The following ASB11 variants were observed in gnomAD, a reference collection of about 807,000 sequenced individuals.
ASB11 encodes ankyrin repeat and SOCS box protein 11.
ASB11 carries 17 observed loss-of-function variants against 20.1 expected under a neutral mutation model. That is an observed-to-expected ratio of 0.85 (90% CI 0.58 to 1.27). The LOEUF (loss-of-function observed/expected upper bound fraction) is 1.27, where lower values mean the gene tolerates loss of function less well. Ranked by LOEUF, ASB11 falls within the 50% of genes most tolerant of loss-of-function variation. ASB11 has a pLI of 0.00. For synonymous variants in ASB11, 107 were observed against 105.6 expected (o/e 1.01, Z -0.08); for missense variants, 259 against 256.9 (o/e 1.01, Z -0.06).
At chrX:15,308,260 C>T (rs773417355) in intron 1 of ASB11, among the ~76,000 whole-genome samples, 1 of 112,375 alleles carries the variant, frequency 8.9e-6, no homozygotes, top group Non-Finnish European at 1.9e-5. Context: ...ATTTGGCCAC[C>T]TCTCCTAGTG....
In ASB11 at chrX:15,283,383, C is replaced by G. The variant is rs1359971786; in HGVS notation, c.*122G>C. On this transcript the variant is annotated 3_prime_UTR_variant, in exon 7 of 7. Coordinates refer to ENST00000480796, the MANE Select transcript of ASB11 (RefSeq NM_080873.3). The stretch of plus-strand genomic sequence containing the variant: ...AGTGTTCTAGCTCATGGGGGATTTA[C>G]TTCGACTGAGCTCATTTAAAGATAC... 4.1e-6 allele frequency: 4 copies of G among 974,049 alleles called. No homozygotes were observed. Among genetic ancestry groups the G allele is most frequent in the Admixed American group, 2.4e-5 (1 of 42,124 alleles). 80.3% of individuals were successfully genotyped at this position (974,049 alleles called of 1,213,427 possible). A position where few individuals can be genotyped will look rare whatever the true frequency, so the allele number is the denominator to read the frequency against.
At chrX:15,304,474 C>T (rs187607346) in intron 1 of ASB11, among the ~76,000 whole-genome samples, 5 of 112,348 alleles carry the variant, frequency 4.5e-5, no homozygotes, top group Middle Eastern at 4.6e-3. Context: ...TGCGTATATA[C>T]GTATTTTTTT....
chrX:15,307,683 C>G (rs1325938325), intron 1 of ASB11, among the ~76,000 whole-genome samples: 3 of 111,693 alleles, frequency 2.7e-5, no homozygotes, highest in African/African-American at 6.5e-5. Flanking sequence ...GGAAGGGAAA[C>G]TTGCCTTGGG....
intron 1 of ASB11, among the ~76,000 whole-genome samples, chrX:15,310,119 A>G (rs1400685312): frequency 9.1e-6 from 1 of 110,286 alleles, no homozygotes; most frequent in African/African-American, 3.3e-5. Context: ...ACCCTTTTCC[A>G]GAAACTGCCA....
chrX:15,314,600 C>T (rs1390834281), intron 1 of ASB11: 1 of 944,625 alleles, frequency 1.1e-6, no homozygotes, highest in African/African-American at 2.1e-5. Flanking sequence ...AAAGAGAATC[C>T]TGGATGCAAA....
chrX:15,303,925 CA>C (rs956080983), intron 1 of ASB11, among the ~76,000 whole-genome samples: 3 of 112,446 alleles, frequency 2.7e-5, no homozygotes, highest in African/African-American at 9.7e-5. Context: ...TATCTGCAAA[CA>C]AGACTAACTA....
intron 1 of ASB11, among the ~76,000 whole-genome samples, chrX:15,304,288 G>A (rs1227963563): frequency 8.9e-6 from 1 of 112,202 alleles, no homozygotes; most frequent in African/African-American, 3.2e-5. Context: ...ATTTCAATAA[G>A]CCCTCCTCCT....
chrX:15,314,623 C>T lies in ASB11; in HGVS notation c.181+802G>A, dbSNP rs540193874. Reference sequence around the variant, plus strand: ...TCCTGGATGCAAATTGAAATGGATACTAGATAAAGAATGATGTAATCCTGG... The same window carrying T: ...TCCTGGATGCAAATTGAAATGGATATTAGATAAAGAATGATGTAATCCTGG... On this transcript the variant is annotated intron_variant, in intron 1 of 6. Transcript: ENST00000480796. The T allele has an allele frequency of 4.8e-5, 41 of 846,529 alleles. 1 individual carries two copies. In the South Asian group the frequency reaches 1.9e-3, roughly 39 times the overall value. 69.8% of individuals were successfully genotyped at this position (846,529 alleles called of 1,213,427 possible). A position where few individuals can be genotyped will look rare whatever the true frequency, so the allele number is the denominator to read the frequency against.
rs532675354 is a variant in ASB11 at position 15,287,861 on chromosome X, G to C, written c.847+20C>G. On this transcript the variant is annotated intron_variant, in intron 6 of 6. Coordinates refer to ENST00000480796, the MANE Select transcript of ASB11 (RefSeq NM_080873.3). Reference sequence around the variant, plus strand: ...AGAATGTGCTTATGGAAGAGGAATGGATACCCAGCCCTTGGTTACCTTCAC... The same window carrying C: ...AGAATGTGCTTATGGAAGAGGAATGCATACCCAGCCCTTGGTTACCTTCAC... 27 of 1,182,672 alleles carry C rather than the reference G, an allele frequency of 2.3e-5. No individual in the cohort carries two copies. The South Asian group carries it at 4.2e-4, about 18-fold the overall frequency.
At chrX:15,297,775 A>C in intron 2 of ASB11, 94 bp from the exon 3 acceptor site, 1 of 812,550 alleles carries the variant, frequency 1.2e-6, no homozygotes, top group South Asian at 2.4e-5. Context: ...GCCTCAAGTG[A>C]TCTTCCTGCC....
In ASB11 at chrX:15,283,956, G is replaced by T. The variant is rs372821055; in HGVS notation, c.848-327C>A. Among the ~76,000 whole-genome samples the T allele has an allele frequency of 7.2e-5, 8 of 111,563 alleles. No individual in the cohort carries two copies. In the East Asian group the frequency reaches 2.3e-3, roughly 31 times the overall value. On this transcript the variant is annotated intron_variant, in intron 6 of 6. Transcript: ENST00000480796. Reference sequence around the variant, plus strand: ...TCATTCATGTATTGAATGTGCCAATGAAAGTGATACACGGGGCCAGGCACG... The same window carrying T: ...TCATTCATGTATTGAATGTGCCAATTAAAGTGATACACGGGGCCAGGCACG...
At chrX:15,297,086 G>T (rs1485456052) in intron 3 of ASB11, among the ~76,000 whole-genome samples, 2 of 112,315 alleles carry the variant, frequency 1.8e-5, no homozygotes, top group African/African-American at 6.5e-5. Flanking sequence ...AAGGTCAGGA[G>T]ATCAAGACCA....
intron 2 of ASB11, among the ~76,000 whole-genome samples, chrX:15,302,271 A>G (rs754528949): frequency 9.0e-6 from 1 of 111,718 alleles, no homozygotes; most frequent in Non-Finnish European, 1.9e-5. Context: ...CAGAGCCAGA[A>G]TCACCTAGCT....
chrX:15,291,597 C>T (rs1312646896), intron 4 of ASB11, among the ~76,000 whole-genome samples: 4 of 108,592 alleles, frequency 3.7e-5, no homozygotes, highest in East Asian at 2.9e-4. Context: ...ATCTCAGCTA[C>T]GTGGGAGGCT....
intron 2 of ASB11, 92 bp downstream of exon 2, chrX:15,302,636 G>C (rs1481671435): frequency 1.2e-5 from 11 of 922,469 alleles, no homozygotes; most frequent in East Asian, 3.2e-5. Context: ...ACCTGGATAG[G>C]GTGAGCCACA....
chrX:15,308,631 A>G (rs1425791835), intron 1 of ASB11, among the ~76,000 whole-genome samples: 2 of 112,165 alleles, frequency 1.8e-5, no homozygotes, highest in East Asian at 2.8e-4. Flanking sequence ...CCCAAAATGC[A>G]TGACAACCAC....
intron 5 of ASB11, among the ~76,000 whole-genome samples, chrX:15,289,177 T>C (rs1458488266): frequency 8.9e-6 from 1 of 112,016 alleles, no homozygotes; most frequent in Non-Finnish European, 1.9e-5. Context: ...TTGGCCCCCA[T>C]GAGGGGTTCA....
At chrX:15,288,125 T>C (rs960420120) in intron 5 of ASB11, 53 bp from the exon 6 acceptor site, 5 of 1,102,919 alleles carry the variant, frequency 4.5e-6, no homozygotes, top group African/African-American at 3.7e-5. Context: ...TAAAGCACAA[T>C]GAGCTTCAAA....
At position 15,300,359 on chromosome X, in the gene ASB11, G is replaced by A. The variant is rs746597040; in HGVS notation, c.261+2369C>T. On this transcript the variant is annotated intron_variant, in intron 2 of 6. Transcript: ENST00000480796. ...AAGAGCTCCTGAATCTTGGTTTAAT[G>A]TTTTACTCACATTTACTCACATTAG... Among the ~76,000 whole-genome samples the A allele has an allele frequency of 3.1e-4, 35 of 112,030 alleles. No homozygotes were observed. The South Asian group carries it at 0.011, about 36-fold the overall frequency.
Sources: allele counts gnomAD v4.1 joint callset (sites outside exome capture counted in the v4.1 genomes callset), GRCh38; gene constraint gnomAD v4.1.1; transcripts MANE v1.5; gene names NCBI Gene and HGNC (gene_info 2026-07-23, HGNC 2026-07-21).